The following TRRAP variants were observed in gnomAD, a reference collection of about 807,000 sequenced individuals.
The protein encoded by TRRAP is transformation/transcription domain-associated protein.
A neutral mutation model predicts 438.8 loss-of-function variants in TRRAP; 41 were observed. The observed-to-expected ratio is 0.09, with a 90% confidence interval of 0.07 to 0.12. The LOEUF (loss-of-function observed/expected upper bound fraction) is 0.12. Ranked by LOEUF, TRRAP falls within the 10% of genes least tolerant of loss-of-function variation. The pLI, the probability that TRRAP is intolerant of heterozygous loss-of-function variation, is 1.00. For missense variants in TRRAP, 3,122 were observed against 5,055.1 expected, an observed-to-expected ratio of 0.62 and a Z score of 11.60; for synonymous variants, 1,994 against 1,962.9, an observed-to-expected ratio of 1.02 and a Z score of -0.42.
rs377459429 is a variant in TRRAP at position 98,976,116 on chromosome 7, G to A, written c.7840-33G>A. ...GTTGTGCGAGGCACCCCCAGCCCGT[G>A]GCCATCTCAGCCTGTTGTCTTTCTG... is the stretch of plus-strand genomic sequence containing the variant. On this transcript the variant is annotated intron_variant, in intron 53 of 72. Coordinates refer to ENST00000456197, the MANE Select transcript of TRRAP (RefSeq NM_001375524.1). The surrounding 1 kb of genome is among the most constrained non-coding windows in gnomAD (Gnocchi z 4.6). The A allele has an allele frequency of 8.1e-6, 13 of 1,611,566 alleles. No individual in the cohort carries two copies. Among genetic ancestry groups the A allele is most frequent in the Non-Finnish European group, 9.3e-6 (11 of 1,178,506 alleles).
At position 98,964,659 on chromosome 7, in the gene TRRAP, G is replaced by C; in HGVS notation, c.6860G>C (p.Ser2287Thr). The part of the protein sequence containing the change: ...GTLMILKSAC[S>T]NNPSYIDRLI... Reference sequence around the variant, plus strand: ...CTTATGATCCTCAAGTCTGCCTGCAGCAACAACCCCAGCTACATAGACAGG... The same window carrying C: ...CTTATGATCCTCAAGTCTGCCTGCACCAACAACCCCAGCTACATAGACAGG... Residue 2287 changes from serine (S) to threonine (T), a missense_variant, in exon 48 of 73, where the codon AGC becomes ACC. Physicochemically the swap from Ser to Thr is moderately conservative, Grantham distance 58. This residue lies in a region of TRRAP where 992 missense variants were observed against 1,281.2 expected (regional missense o/e 0.77). Transcript: ENST00000456197. 6.2e-7 allele frequency: 1 copy of C among 1,613,834 alleles called. No homozygotes were observed.
At chr7:98,961,167 ATC>A in intron 45 of TRRAP, 92 bp from the exon 46 acceptor site, 21 of 1,161,528 alleles carry the variant, frequency 1.8e-5, no homozygotes, top group Non-Finnish European at 2.7e-5. Flanking sequence ...CAAATAATTA[ATC>A]CAGTGCTAGA....
intron 5 of TRRAP, among the ~76,000 whole-genome samples, chr7:98,893,107 A>G (rs782119847): frequency 2.0e-4 from 30 of 152,040 alleles, no homozygotes; most frequent in Admixed American, 4.6e-4. Context: ...CCTTGCCACC[A>G]TGCCTAGCTG....
At chr7:98,934,174 T>C (rs1335039168) in intron 27 of TRRAP, among the ~76,000 whole-genome samples, 4 of 152,232 alleles carry the variant, frequency 2.6e-5, no homozygotes, top group Admixed American at 6.5e-5. Context: ...ATCTTTAGAA[T>C]ACAGTAGTGG....
chr7:98,941,656 A>G (rs1301750140), intron 30 of TRRAP, among the ~76,000 whole-genome samples: 4 of 152,188 alleles, frequency 2.6e-5, no homozygotes, highest in Admixed American at 2.6e-4. Context: ...AGTAGGGTTC[A>G]TGAATTTCTG....
At position 98,983,344 on chromosome 7, in the gene TRRAP, C is replaced by T. The variant is rs1219299247; in HGVS notation, c.8907C>T (p.Asn2969=). The part of the protein sequence containing the change: ...GLQPTNLGRN[N]SLHDMKTVVK... Reference sequence around the variant, plus strand: ...AGCCAACCAACCTGGGAAGGAACAACAGCCTGCACGACATGAAGACGGTGG... The same window carrying T: ...AGCCAACCAACCTGGGAAGGAACAATAGCCTGCACGACATGAAGACGGTGG... The change falls in exon 60 of 73, where the codon AAC becomes AAT. Residue 2969 remains asparagine, a synonymous_variant. Transcript: ENST00000456197. The T allele has an allele frequency of 6.2e-7, 1 of 1,614,220 alleles. No homozygotes were observed. The highest frequency in any genetic ancestry group is 1.7e-5 in the Admixed American group (1 of 60,024).
In TRRAP at chr7:98,982,496, C is replaced by G. The variant is rs60728304; in HGVS notation, c.8826+536C>G. Among the ~76,000 whole-genome samples, 470 of 152,334 alleles carry G rather than the reference C, an allele frequency of 3.1e-3. 2 individuals carry two copies. The highest frequency in any genetic ancestry group is 0.011 in the African/African-American group (459 of 41,576). ...CCTCAAAGGAGCATTGAACCTGAGA[C>G]AGCGGGCATAGCCATAGAAACAAAT... On this transcript the variant is annotated intron_variant, in intron 59 of 72. Transcript: ENST00000456197.
rs199690222 is a variant in TRRAP, at chr7:98,915,718, C to G, written c.2200-5C>G. On this transcript the variant is annotated splice_polypyrimidine_tract_variant and splice_region_variant and intron_variant, in intron 18 of 72. Coordinates refer to ENST00000456197, the MANE Select transcript of TRRAP (RefSeq NM_001375524.1). The stretch of plus-strand genomic sequence containing the variant: ...CCACTAATCTGCGTCTTCTCCACCC[C>G]GCAGCCTCACTTGCACAAGATTGTG... 69 of 1,612,830 alleles carry G rather than the reference C, an allele frequency of 4.3e-5. No individual in the cohort carries two copies. The highest frequency in any genetic ancestry group is 5.5e-5 in the Non-Finnish European group (65 of 1,179,278).
At chr7:98,914,807 C>A (rs1390691760) in intron 18 of TRRAP, among the ~76,000 whole-genome samples, 5 of 137,220 alleles carry the variant, frequency 3.6e-5, no homozygotes, top group Non-Finnish European at 6.3e-5. Context: ...TTTCATAGAA[C>A]TTTTTGTCCA....
rs774510258 is a variant in TRRAP, at chr7:98,984,204, G to A, written c.9134G>A (p.Arg3045Gln). Residue 3045 changes from arginine (R) to glutamine (Q), a missense_variant, in exon 61 of 73, where the codon CGG becomes CAG. Physicochemically the swap from Arg to Gln is conservative, Grantham distance 43. This residue lies in a region of TRRAP where 129 missense variants were observed against 279.2 expected (regional missense o/e 0.46). Coordinates refer to ENST00000456197, the MANE Select transcript of TRRAP (RefSeq NM_001375524.1). ...SAIIQYGKIA[R>Q]KQGLVNVALD... ...ATCATCCAGTATGGAAAAATCGCCC[G>A]GAAACAAGGACTGGTCAATGTAGCT... 5 of 1,614,048 alleles carry A rather than the reference G, an allele frequency of 3.1e-6. No individual in the cohort carries two copies. The highest frequency in any genetic ancestry group is 1.7e-5 in the Admixed American group (1 of 60,004).
Position 98,961,367 on chromosome 7 carries a change from C to T in TRRAP, c.6596C>T (p.Pro2199Leu), listed in dbSNP as rs777582022. 44 of 1,614,100 alleles carry T rather than the reference C, an allele frequency of 2.7e-5. No individual in the cohort carries two copies. The highest frequency in any genetic ancestry group is 3.6e-5 in the Non-Finnish European group (42 of 1,180,050). Reference sequence around the variant, plus strand: ...CCAGCCATCCTCAGTAGCTTCAAACCTCTGCAGCGTGGAATTGCCGCCTGC... The same window carrying T: ...CCAGCCATCCTCAGTAGCTTCAAACTTCTGCAGCGTGGAATTGCCGCCTGC... ...QSPAILSSFK[P>L]LQRGIAACMT... The change falls in exon 46 of 73, where the codon CCT becomes CTT. Residue 2199 changes from proline to leucine, a missense_variant. By Grantham distance (98) the Pro-to-Leu change is moderately conservative (BLOSUM62 -3). Around this residue, in one of 24 missense-constraint regions of TRRAP, gnomAD observed 992 missense variants for 1,281.2 expected, o/e 0.77. Transcript: ENST00000456197.
chr7:98,942,835 GA>G (rs1418444367), intron 30 of TRRAP, 113 bp from the exon 31 acceptor site: 16 of 1,107,002 alleles, frequency 1.4e-5, no homozygotes, highest in Non-Finnish European at 2.1e-5. Flanking sequence ...TTTAATAATG[GA>G]AACACTGCAG....
At chr7:99,008,323 G>A in intron 69 of TRRAP, 54 bp from the exon 70 acceptor site, 1 of 1,566,378 alleles carries the variant, frequency 6.4e-7, no homozygotes. Flanking sequence ...GTGGAGCTGA[G>A]CACTGGCCCG....
At chr7:98,950,819 A>G (rs1791299076) in intron 38 of TRRAP, 57 bp from the exon 39 acceptor site, 1 of 1,465,094 alleles carries the variant, frequency 6.8e-7, no homozygotes, top group Non-Finnish European at 9.0e-7. Context: ...TTCCCGTCTT[A>G]AGAAACAAAC....
chr7:98,970,439 T>C (rs1792362526), intron 52 of TRRAP, 148 bp downstream of exon 52: 1 of 983,848 alleles, frequency 1.0e-6, no homozygotes, highest in Admixed American at 2.8e-5. Flanking sequence ...ACGGGCAGAA[T>C]CCCAGAGGAG....
intron 70 of TRRAP, 75 bp downstream of exon 70, chr7:99,008,636 G>A (rs1385169853): frequency 2.0e-6 from 3 of 1,516,698 alleles, no homozygotes; most frequent in Admixed American, 2.0e-5. Context: ...TGGAGACAGG[G>A]GTGTTTAGGA....
chr7:98,890,252 C>A, intron 3 of TRRAP, 83 bp from the exon 4 acceptor site: 1 of 868,456 alleles, frequency 1.2e-6, no homozygotes, highest in Non-Finnish European at 1.6e-6. Flanking sequence ...TTTTATATTC[C>A]TTTGCAGTTA....
intron 31 of TRRAP, among the ~76,000 whole-genome samples, chr7:98,944,833 G>A (rs539728440): frequency 6.6e-6 from 1 of 152,092 alleles, no homozygotes; most frequent in East Asian, 1.9e-4. Flanking sequence ...CTTTGAGACG[G>A]AGCCTCTGTC....
Position 98,925,115 on chromosome 7 carries a change from A to G in TRRAP, c.2827A>G (p.Ile943Val). The G allele has an allele frequency of 1.9e-6, 3 of 1,609,648 alleles. No homozygotes were observed. Among genetic ancestry groups the G allele is most frequent in the South Asian group, 1.1e-5 (1 of 90,124 alleles). ...TTTCTTTGTGTCTTGGTTGTAGGCC[A>G]TTGAAACTGCTCTGGACTGCCTGAA... The part of the protein sequence containing the change: ...ASLQLPMEKA[I>V]ETALDCLKSA... Residue 943 changes from isoleucine to valine, a missense_variant, in exon 22 of 73, where the codon ATT (isoleucine) becomes GTT (valine). By Grantham distance (29) the Ile-to-Val change is conservative. Coordinates refer to ENST00000456197, the MANE Select transcript of TRRAP (RefSeq NM_001375524.1).
Sources: allele counts gnomAD v4.1 joint callset (sites outside exome capture counted in the v4.1 genomes callset), GRCh38; gene constraint gnomAD v4.1.1; regional missense constraint gnomAD v4.1.1; non-coding constraint Gnocchi (gnomAD v3.1); transcripts MANE v1.5; gene names NCBI Gene and HGNC (gene_info 2026-07-23, HGNC 2026-07-21).